NDFIP2: variants seen among roughly 807,000 people sequenced by gnomAD.
The protein encoded by NDFIP2 is Nedd4 family interacting protein 2.
A neutral mutation model predicts 36.0 loss-of-function variants in NDFIP2; 19 were observed. The observed-to-expected ratio is 0.53, with a 90% CI of 0.37 to 0.77. The LOEUF (loss-of-function observed/expected upper bound fraction) is 0.77. NDFIP2 is among the 30% of genes least tolerant of loss of function. The probability of loss-of-function intolerance (pLI) is 0.00; values close to 1 mark genes in which losing one functional copy is unlikely to be tolerated. For synonymous variants in NDFIP2, 181 were observed against 167.7 expected (o/e 1.08, Z -0.61); for missense variants, 446 against 435.8 (o/e 1.02, Z -0.21).
intron 1 of NDFIP2, among the ~76,000 whole-genome samples, chr13:79,488,372 G>A (rs967363861): frequency 1.3e-5 from 2 of 151,926 alleles, no homozygotes; most frequent in Non-Finnish European, 2.9e-5. Context: ...ACGTTATTTG[G>A]TTGAGTTTAG....
At chr13:79,519,698 C>A (rs1443165562) in intron 1 of NDFIP2, among the ~76,000 whole-genome samples, 5 of 152,230 alleles carry the variant, frequency 3.3e-5, no homozygotes, top group African/African-American at 1.2e-4. Flanking sequence ...ATTTTATTAG[C>A]ATTTATTAAC....
intron 2 of NDFIP2, among the ~76,000 whole-genome samples, chr13:79,522,133 C>T (rs1009396723): frequency 1.3e-5 from 2 of 152,102 alleles, no homozygotes; most frequent in African/African-American, 4.8e-5. Flanking sequence ...TGGCCTACTC[C>T]TTTTATTTGT....
intron 2 of NDFIP2, among the ~76,000 whole-genome samples, chr13:79,522,608 G>T (rs1319448350): frequency 6.6e-6 from 1 of 152,150 alleles, no homozygotes; most frequent in Non-Finnish European, 1.5e-5. Flanking sequence ...TCTGATGGTG[G>T]CTGGGGTTGG....
chr13:79,521,413 G>A (rs542118099), intron 2 of NDFIP2, among the ~76,000 whole-genome samples: 1 of 152,084 alleles, frequency 6.6e-6, no homozygotes, highest in Non-Finnish European at 1.5e-5. Flanking sequence ...GATCAGTTTT[G>A]TATACCAGTG....
chr13:79,531,669 C>CTTT (rs971233539), intron 2 of NDFIP2, among the ~76,000 whole-genome samples: 3 of 152,310 alleles, frequency 2.0e-5, no homozygotes, highest in Admixed American at 2.0e-4. Flanking sequence ...CAGCTGCCAA[C>CTTT]TTTTCTTCTT....
chr13:79,505,397 A>G (rs529871460), intron 1 of NDFIP2, among the ~76,000 whole-genome samples: 2 of 151,646 alleles, frequency 1.3e-5, no homozygotes, highest in East Asian at 3.9e-4. Flanking sequence ...TGGGAGGCCA[A>G]CACAGGGGTA....
At chr13:79,523,410 G>T (rs1215544752) in intron 2 of NDFIP2, among the ~76,000 whole-genome samples, 1 of 152,020 alleles carries the variant, frequency 6.6e-6, no homozygotes, top group Non-Finnish European at 1.5e-5. Flanking sequence ...AGTAGAGATG[G>T]CATTTCACCA....
intron 5 of NDFIP2, among the ~76,000 whole-genome samples, chr13:79,547,715 A>G (rs1875740696): frequency 6.6e-6 from 1 of 152,086 alleles, no homozygotes; most frequent in African/African-American, 2.4e-5. Flanking sequence ...AACTGTTGAA[A>G]TGCCACTTTA....
rs142835976 is a variant in NDFIP2, at chr13:79,519,370, A to G, written c.322-1440A>G. 2.6e-5 allele frequency among the ~76,000 whole-genome samples: 4 copies of G among 152,340 alleles called. No individual in the cohort carries two copies. In the East Asian group the frequency reaches 5.8e-4, roughly 22 times the overall value. ...TTTTGCCAAATATATTTAAGGATCAAAGTACTTCTTGATGAATCACTTTTT... is the reference window on the plus strand; with the variant it reads ...TTTTGCCAAATATATTTAAGGATCAGAGTACTTCTTGATGAATCACTTTTT... On this transcript the variant is annotated intron_variant, in intron 1 of 7. Coordinates refer to ENST00000218652, the MANE Select transcript of NDFIP2 (RefSeq NM_019080.3).
intron 3 of NDFIP2, among the ~76,000 whole-genome samples, chr13:79,534,644 T>A (rs532864830): frequency 1.8e-4 from 27 of 152,038 alleles, no homozygotes; most frequent in Admixed American, 5.9e-4. Context: ...ACTTGAGAGA[T>A]GCCGTTTCAG....
intron 1 of NDFIP2, among the ~76,000 whole-genome samples, chr13:79,492,939 A>G (rs1017846643): frequency 1.3e-5 from 2 of 151,912 alleles, no homozygotes; most frequent in South Asian, 4.2e-4. Flanking sequence ...TCAGATCTAT[A>G]TTTAGATGTT....
intron 1 of NDFIP2, among the ~76,000 whole-genome samples, chr13:79,488,135 A>G (rs1873090204): frequency 2.0e-5 from 3 of 150,284 alleles, no homozygotes; most frequent in Non-Finnish European, 2.9e-5. Context: ...AGATCTTTGT[A>G]TGTTGAAAAA....
chr13:79,519,466 A>G (rs1263952516), intron 1 of NDFIP2, among the ~76,000 whole-genome samples: 1 of 152,206 alleles, frequency 6.6e-6, no homozygotes, highest in Admixed American at 6.5e-5. Flanking sequence ...AGGAATGGCC[A>G]TTTCAAAGTT....
rs1280123153 is a variant in NDFIP2 at position 79,554,819 on chromosome 13, A to G, written c.*2306A>G. On this transcript the variant is annotated 3_prime_UTR_variant, in exon 8 of 8. Transcript: ENST00000218652. Reference sequence around the variant, plus strand: ...GGTATCTAAACATTTTTGAGTGTGAACTGGGGATTGGAAGTTAATACAAAA... The same window carrying G: ...GGTATCTAAACATTTTTGAGTGTGAGCTGGGGATTGGAAGTTAATACAAAA... 2.6e-5 allele frequency: 4 copies of G among 151,952 alleles called. No individual in the cohort carries two copies. The highest frequency in any genetic ancestry group is 6.6e-5 in the Admixed American group (1 of 15,230). The allele number at this position is 151,952 out of a possible 1,614,324, so 9.4% of individuals were successfully genotyped here.
chr13:79,540,987 C>T (rs182895129), intron 4 of NDFIP2, among the ~76,000 whole-genome samples: 1 of 152,124 alleles, frequency 6.6e-6, no homozygotes, highest in Admixed American at 6.5e-5. Context: ...GTCCTGTGAA[C>T]CTTGGTTTTT....
At chr13:79,535,187 G>A (rs1000871809) in intron 3 of NDFIP2, among the ~76,000 whole-genome samples, 1 of 152,128 alleles carries the variant, frequency 6.6e-6, no homozygotes, top group Non-Finnish European at 1.5e-5. Context: ...CAGTGAAGTA[G>A]ATTGATTCCT....
At chr13:79,530,035 A>G (rs1187881537) in intron 2 of NDFIP2, among the ~76,000 whole-genome samples, 1 of 152,246 alleles carries the variant, frequency 6.6e-6, no homozygotes, top group Non-Finnish European at 1.5e-5. Flanking sequence ...ACTAATGATC[A>G]TCAGAGCTTC....
intron 1 of NDFIP2, among the ~76,000 whole-genome samples, chr13:79,518,023 A>G (rs1050488405): frequency 1.2e-4 from 9 of 74,332 alleles, no homozygotes; most frequent in Admixed American, 6.7e-4. Context: ...ACAAGTAGAC[A>G]TCTGTATTAA....
chr13:79,503,826 T>C (rs774142885), intron 1 of NDFIP2, among the ~76,000 whole-genome samples: 54 of 152,294 alleles, frequency 3.5e-4, no homozygotes, highest in South Asian at 6.2e-4. Flanking sequence ...TCAATGCCAC[T>C]GATAAGAATA....
Sources: gnomAD v4.1 joint callset for allele counts (sites outside exome capture counted in the v4.1 genomes callset) on GRCh38, gnomAD v4.1.1 for gene constraint, MANE v1.5 for transcripts, NCBI Gene and HGNC (gene_info 2026-07-23, HGNC 2026-07-21) for gene names.